Variants in PTPRD observed in about 807,000 individuals in gnomAD.
PTPRD encodes protein tyrosine phosphatase receptor type D, also known as receptor-type tyrosine-protein phosphatase delta.
A neutral mutation model predicts 214.5 loss-of-function variants in PTPRD; 34 were observed. That is an observed-to-expected ratio of 0.16 (90% confidence interval 0.12 to 0.21). The LOEUF (loss-of-function observed/expected upper bound fraction) is 0.21, where lower values mean the gene tolerates loss of function less well. Ranked by LOEUF, PTPRD falls within the 10% of genes least tolerant of loss-of-function variation. The pLI is 1.00. For synonymous variants in PTPRD, 1,128 were observed against 845.7 expected, an observed-to-expected ratio of 1.33 and a Z score of -5.79; for missense variants, 2,545 against 2,398.7, an observed-to-expected ratio of 1.06 and a Z score of -1.27.
chr9:9,087,589 G>A (rs1197290912), intron 10 of PTPRD, among the ~76,000 whole-genome samples: 1 of 152,226 alleles, frequency 6.6e-6, no homozygotes. Flanking sequence ...AATTCTGAGT[G>A]CCAGATAAGT....
In PTPRD at chr9:9,007,749, T is replaced by C. The variant is rs558074941; in HGVS notation, c.-104+10948A>G. On this transcript the variant is annotated intron_variant, in intron 11 of 45. Coordinates refer to ENST00000381196, the MANE Select transcript of PTPRD (RefSeq NM_002839.4). Reference sequence around the variant, plus strand: ...TGGATCCTTTTTTTTTTTTTCATTGTGGTTTACACCCCCCAAAGGTTGCTT... The same window carrying C: ...TGGATCCTTTTTTTTTTTTTCATTGCGGTTTACACCCCCCAAAGGTTGCTT... Among the ~76,000 whole-genome samples the C allele has an allele frequency of 4.7e-5, 7 of 150,022 alleles. No individual in the cohort carries two copies. The East Asian group carries it at 1.4e-3, about 30-fold the overall frequency.
chr9:8,987,472 T>C (rs538475640), intron 11 of PTPRD, among the ~76,000 whole-genome samples: 3 of 152,124 alleles, frequency 2.0e-5, no homozygotes, highest in Non-Finnish European at 4.4e-5. Context: ...ATAAAGACAA[T>C]AGGTGGTGGT....
intron 34 of PTPRD, among the ~76,000 whole-genome samples, chr9:8,448,741 A>G (rs557276164): frequency 6.6e-6 from 1 of 152,310 alleles, no homozygotes; most frequent in Non-Finnish European, 1.5e-5. Flanking sequence ...AAATATGCTG[A>G]ACATAATAAA....
intron 11 of PTPRD, among the ~76,000 whole-genome samples, chr9:8,888,125 G>A (rs766381773): frequency 6.6e-6 from 1 of 152,092 alleles, no homozygotes; most frequent in Non-Finnish European, 1.5e-5. Flanking sequence ...TTTCGTTAAA[G>A]AGTGCTCATC....
chr9:9,035,547 C>A (rs564773298), intron 10 of PTPRD, among the ~76,000 whole-genome samples: 3 of 150,918 alleles, frequency 2.0e-5, no homozygotes, highest in African/African-American at 7.3e-5. Context: ...ATAGGGTGTT[C>A]CCCCCACCCC....
At chr9:9,025,438 G>A (rs2099583723) in intron 10 of PTPRD, among the ~76,000 whole-genome samples, 1 of 151,984 alleles carries the variant, frequency 6.6e-6, no homozygotes, top group South Asian at 2.1e-4. Context: ...ATGAGCAGAT[G>A]TGTATTCCTG....
intron 9 of PTPRD, among the ~76,000 whole-genome samples, chr9:9,318,970 A>G (rs1249927495): frequency 1.3e-5 from 2 of 152,204 alleles, no homozygotes; most frequent in African/African-American, 4.8e-5. Flanking sequence ...TGCCTTCATT[A>G]TGAACTATAG....
chr9:9,773,743 G>A (rs965836118), intron 5 of PTPRD, among the ~76,000 whole-genome samples: 9 of 151,874 alleles, frequency 5.9e-5, no homozygotes, highest in African/African-American at 2.2e-4. Context: ...GCTGAAGCAA[G>A]ACTGATACCA....
intron 3 of PTPRD, among the ~76,000 whole-genome samples, chr9:10,092,281 T>C (rs567548151): frequency 3.3e-5 from 5 of 151,576 alleles, no homozygotes; most frequent in African/African-American, 1.2e-4. Flanking sequence ...GATATGCTTC[T>C]GTTATTCCTT....
At chr9:9,955,191 A>G (rs1241694291) in intron 4 of PTPRD, among the ~76,000 whole-genome samples, 3 of 152,326 alleles carry the variant, frequency 2.0e-5, no homozygotes, top group African/African-American at 4.8e-5. Flanking sequence ...TATCTCCAGT[A>G]TAACACTGGA....
intron 11 of PTPRD, among the ~76,000 whole-genome samples, chr9:8,934,299 A>C (rs2098973794): frequency 6.7e-6 from 1 of 149,074 alleles, no homozygotes; most frequent in South Asian, 2.1e-4. Context: ...TTCCAACTTG[A>C]ACTACCGAAA....
At chr9:8,365,603 A>G (rs985790669) in intron 39 of PTPRD, among the ~76,000 whole-genome samples, 1 of 152,110 alleles carries the variant, frequency 6.6e-6, no homozygotes, top group Non-Finnish European at 1.5e-5. Flanking sequence ...AAGGTTCAGC[A>G]ATGTGGCACT....
intron 11 of PTPRD, among the ~76,000 whole-genome samples, chr9:9,002,328 A>T (rs2099427022): frequency 6.6e-6 from 1 of 152,058 alleles, no homozygotes; most frequent in African/African-American, 2.4e-5. Flanking sequence ...ACAAATTAAC[A>T]TAATGAAAAG....
intron 8 of PTPRD, among the ~76,000 whole-genome samples, chr9:9,537,879 A>AT (rs5896340): frequency 0.018 from 2,722 of 151,808 alleles, 67 homozygotes; most frequent in African/African-American, 0.061. Flanking sequence ...GAGCTTATTA[A>AT]TTTTTTTCAT....
At chr9:9,646,872 G>T (rs778865207) in intron 7 of PTPRD, among the ~76,000 whole-genome samples, 3 of 152,164 alleles carry the variant, frequency 2.0e-5, no homozygotes, top group Non-Finnish European at 4.4e-5. Context: ...CAATAATGTG[G>T]TCTTTCTCTC....
At chr9:8,508,511 A>G (rs2097586181) in intron 21 of PTPRD, among the ~76,000 whole-genome samples, 1 of 152,136 alleles carries the variant, frequency 6.6e-6, no homozygotes, top group African/African-American at 2.4e-5. Context: ...GGCATGTCTC[A>G]ATGTGCTGTG....
intron 7 of PTPRD, among the ~76,000 whole-genome samples, chr9:9,674,151 A>C (rs997288412): frequency 2.0e-5 from 3 of 151,818 alleles, no homozygotes; most frequent in African/African-American, 7.2e-5. Context: ...GGGGAGTTAA[A>C]AATGAACAAA....
intron 9 of PTPRD, among the ~76,000 whole-genome samples, chr9:9,236,894 G>C (rs943276294): frequency 6.6e-6 from 1 of 152,040 alleles, no homozygotes; most frequent in Non-Finnish European, 1.5e-5. Flanking sequence ...TCTAACTCTG[G>C]CTGTCATTTG....
chr9:8,846,942 C>T (rs773579206), intron 11 of PTPRD, among the ~76,000 whole-genome samples: 3 of 152,098 alleles, frequency 2.0e-5, no homozygotes, highest in Non-Finnish European at 4.4e-5. Flanking sequence ...CTGCAGAGCA[C>T]AGAAGCAACT....
Sources: gnomAD v4.1 joint callset for allele counts (sites outside exome capture counted in the v4.1 genomes callset) on GRCh38, gnomAD v4.1.1 for gene constraint, MANE v1.5 for transcripts, NCBI Gene and HGNC (gene_info 2026-07-23, HGNC 2026-07-21) for gene names.